The following DZANK1 variants were observed in gnomAD, a reference collection of about 807,000 sequenced individuals.
DZANK1 encodes the protein double zinc ribbon and ankyrin repeat domains 1.
In DZANK1, 91 loss-of-function variants were observed where a neutral mutation model predicts 94.5. That is an observed-to-expected ratio of 0.96 (90% CI 0.81 to 1.15). DZANK1 has a LOEUF of 1.15. DZANK1 is among the 50% of genes most tolerant of loss of function. The pLI, the probability that DZANK1 is intolerant of heterozygous loss-of-function variation, is 0.00. For missense variants in DZANK1, 903 were observed against 916.4 expected (o/e 0.99, Z 0.19); for synonymous variants, 312 against 325.3 (o/e 0.96, Z 0.44).
intron 3 of DZANK1, among the ~76,000 whole-genome samples, chr20:18,456,064 T>C (rs1268030317): frequency 6.6e-6 from 1 of 152,240 alleles, no homozygotes; most frequent in East Asian, 1.9e-4. Context: ...GCATAGTTCA[T>C]TGGGGGCCAT....
intron 10 of DZANK1, among the ~76,000 whole-genome samples, chr20:18,416,433 G>A (rs2057493433): frequency 6.6e-6 from 1 of 152,008 alleles, no homozygotes; most frequent in Non-Finnish European, 1.5e-5. Context: ...TTTATTCCCC[G>A]CACTAGGACA....
At chr20:18,442,575 G>C (rs2058746152) in intron 8 of DZANK1, among the ~76,000 whole-genome samples, 1 of 152,122 alleles carries the variant, frequency 6.6e-6, no homozygotes, top group Non-Finnish European at 1.5e-5. Context: ...CAATATATTA[G>C]AAAAATATTA....
At chr20:18,402,962 G>A (rs2056759580) in intron 13 of DZANK1, among the ~76,000 whole-genome samples, 1 of 152,194 alleles carries the variant, frequency 6.6e-6, no homozygotes, top group African/African-American at 2.4e-5. Context: ...AGAGTCTGTG[G>A]TGTTTGAACC....
chr20:18,422,929 G>T (rs1240433269), intron 10 of DZANK1, among the ~76,000 whole-genome samples: 2 of 149,994 alleles, frequency 1.3e-5, no homozygotes, highest in African/African-American at 4.9e-5. Context: ...CATTCAATCT[G>T]TAGATCTCTC....
chr20:18,455,764 C>T lies in DZANK1; in HGVS notation c.264-403G>A, dbSNP rs1016708252. Reference sequence around the variant, plus strand: ...GGGGTAACTGGAACAGCTAGGGGCTCGCCACTCATCACTCTCACTCAATCT... The same window carrying T: ...GGGGTAACTGGAACAGCTAGGGGCTTGCCACTCATCACTCTCACTCAATCT... On this transcript the variant is annotated intron_variant, in intron 3 of 20. Transcript: ENST00000262547. 2.0e-5 allele frequency among the ~76,000 whole-genome samples: 3 copies of T among 152,144 alleles called. No individual in the cohort carries two copies. In the South Asian group the frequency reaches 6.2e-4, roughly 32 times the overall value.
chr20:18,455,944 T>C (rs925168307), intron 3 of DZANK1, among the ~76,000 whole-genome samples: 1 of 152,182 alleles, frequency 6.6e-6, no homozygotes, highest in Non-Finnish European at 1.5e-5. Context: ...GAAACTACAA[T>C]ACTTCTTGTG....
intron 19 of DZANK1, among the ~76,000 whole-genome samples, chr20:18,389,249 G>A (rs1000951040): frequency 6.6e-6 from 1 of 152,138 alleles, no homozygotes; most frequent in Non-Finnish European, 1.5e-5. Flanking sequence ...GACCTCAGAT[G>A]TACCAGTCTC....
At chr20:18,397,429 G>A (rs1462754871) in intron 14 of DZANK1, among the ~76,000 whole-genome samples, 1 of 152,160 alleles carries the variant, frequency 6.6e-6, no homozygotes, top group Non-Finnish European at 1.5e-5. Context: ...AAGGACATGG[G>A]ACTCTGACAG....
At chr20:18,447,294 G>T (rs2058914475) in intron 7 of DZANK1, among the ~76,000 whole-genome samples, 1 of 151,714 alleles carries the variant, frequency 6.6e-6, no homozygotes, top group Non-Finnish European at 1.5e-5. Flanking sequence ...TGGCCAACAT[G>T]GTGAAACCTC....
intron 15 of DZANK1, 118 bp downstream of exon 15, chr20:18,396,354 C>T: frequency 1.3e-6 from 1 of 793,298 alleles, no homozygotes; most frequent in Non-Finnish European, 2.0e-6. Flanking sequence ...CCTCTAGTAG[C>T]ATTTCATAAT....
intron 13 of DZANK1, among the ~76,000 whole-genome samples, chr20:18,410,922 G>A (rs926645649): frequency 2.6e-5 from 4 of 152,182 alleles, no homozygotes; most frequent in South Asian, 4.1e-4. Flanking sequence ...CCGCACTCCA[G>A]CCTGGGTGAC....
At chr20:18,449,797 G>A (rs954959795) in intron 6 of DZANK1, among the ~76,000 whole-genome samples, 4 of 148,472 alleles carry the variant, frequency 2.7e-5, no homozygotes, top group Admixed American at 1.4e-4. Flanking sequence ...AAATAAACTC[G>A]GCTGGGCACA....
chr20:18,452,055 G>C (rs1277455277), intron 6 of DZANK1: 1 of 357,132 alleles, frequency 2.8e-6, no homozygotes, highest in Non-Finnish European at 5.2e-6. Flanking sequence ...CTGACCGTTA[G>C]AATCATTTAG....
At chr20:18,405,716 T>C (rs2056926876) in intron 13 of DZANK1, among the ~76,000 whole-genome samples, 1 of 152,238 alleles carries the variant, frequency 6.6e-6, no homozygotes, top group South Asian at 2.1e-4. Context: ...AAAGCACCAT[T>C]ACATGAACCA....
intron 9 of DZANK1, 105 bp from the exon 10 acceptor site, chr20:18,427,264 A>G: frequency 1.4e-6 from 1 of 733,066 alleles, no homozygotes; most frequent in South Asian, 2.0e-5. Context: ...AGGCCCTATT[A>G]CTGCACCCAG....
At chr20:18,420,308 C>A (rs577599668) in intron 10 of DZANK1, 1 of 176,936 alleles carries the variant, frequency 5.7e-6, no homozygotes, top group Admixed American at 5.5e-5. Flanking sequence ...TCCGAAAATG[C>A]ATGCTGAGTG....
chr20:18,401,162 C>G (rs2056658005), intron 13 of DZANK1, among the ~76,000 whole-genome samples: 1 of 152,138 alleles, frequency 6.6e-6, no homozygotes, highest in Admixed American at 6.5e-5. Flanking sequence ...GTCTCAAACT[C>G]CTGACCTCAG....
In DZANK1 at chr20:18,441,008, C is replaced by G. The variant is rs1447727395; in HGVS notation, c.747+2339G>C. 6.6e-6 allele frequency among the ~76,000 whole-genome samples: 1 copy of G among 152,164 alleles called. No homozygotes were observed. Among genetic ancestry groups the G allele is most frequent in the African/African-American group, 2.4e-5 (1 of 41,432 alleles). On this transcript the variant is annotated intron_variant, in intron 8 of 20. Coordinates refer to ENST00000262547, the Ensembl canonical transcript of DZANK1. This position sits in a 1 kb window ranked among gnomAD's most constrained non-coding sequence, Gnocchi z 4.1. ...CAAGAAGTATATTATTTTGGGCTGT[C>G]ATAGGAGCCCTCTGGTTCCTGCACC...
chr20:18,462,760 C>T (rs2059513994), intron 2 of DZANK1, among the ~76,000 whole-genome samples: 1 of 151,420 alleles, frequency 6.6e-6, no homozygotes, highest in African/African-American at 2.4e-5. Context: ...CTTTGGGAGG[C>T]CCAGGCAGGC....
Sources: allele counts gnomAD v4.1 joint callset (sites outside exome capture counted in the v4.1 genomes callset), GRCh38; gene constraint gnomAD v4.1.1; non-coding constraint Gnocchi (gnomAD v3.1); transcripts MANE v1.5; gene names NCBI Gene and HGNC (gene_info 2026-07-23, HGNC 2026-07-21).